Variants in CRACD observed in about 807,000 individuals in gnomAD.
CRACD encodes capping protein inhibiting regulator of actin dynamics.
CRACD carries 56 observed loss-of-function variants against 106.8 expected under a neutral mutation model. That is an observed-to-expected ratio of 0.52 (90% CI 0.42 to 0.66). The LOEUF (loss-of-function observed/expected upper bound fraction) is 0.66. Among genes scored for constraint, CRACD ranks in the 30% least tolerant of loss-of-function variants. The probability of loss-of-function intolerance (pLI) is 0.00; values close to 1 mark genes in which losing one functional copy is unlikely to be tolerated. For synonymous variants in CRACD, 754 were observed against 670.8 expected (o/e 1.12, Z -1.92); for missense variants, 1,730 against 1,623.2 (o/e 1.07, Z -1.13).
At chr4:56,205,830 T>C (rs1738099689) in intron 2 of CRACD, among the ~76,000 whole-genome samples, 1 of 152,194 alleles carries the variant, frequency 6.6e-6, no homozygotes, top group Admixed American at 6.5e-5. Flanking sequence ...TTTGTCATTT[T>C]TAATGTTAAA....
chr4:56,099,218 C>T (rs1164038312), intron 1 of CRACD, among the ~76,000 whole-genome samples: 1 of 152,146 alleles, frequency 6.6e-6, no homozygotes, highest in Non-Finnish European at 1.5e-5. Context: ...TGTTGGTACA[C>T]TGGACTTGTA....
chr4:56,118,570 A>G (rs1734378158), intron 1 of CRACD, among the ~76,000 whole-genome samples: 1 of 152,092 alleles, frequency 6.6e-6, no homozygotes, highest in South Asian at 2.1e-4. Context: ...GCAGAGTTTC[A>G]CTTTGGTTTT....
At chr4:56,146,716 A>G (rs1308425991) in intron 1 of CRACD, among the ~76,000 whole-genome samples, 1 of 152,170 alleles carries the variant, frequency 6.6e-6, no homozygotes, top group Non-Finnish European at 1.5e-5. Flanking sequence ...AGCATTATTG[A>G]GATAGAATTT....
chr4:56,199,213 A>C (rs925070248), intron 2 of CRACD, among the ~76,000 whole-genome samples: 5 of 152,234 alleles, frequency 3.3e-5, no homozygotes, highest in Non-Finnish European at 7.3e-5. Context: ...GTTGCCCACA[A>C]AAATACTATC....
rs180744508 is a variant in CRACD, at chr4:56,150,471, G to T, written c.-335-28813G>T. ...CAGTGATAAAATGAGCCCTCATGGA[G>T]CCACTACTCTAGTGGCAAGAAATGA... On this transcript the variant is annotated intron_variant, in intron 1 of 10. Transcript: ENST00000682029. Among the ~76,000 whole-genome samples the T allele has an allele frequency of 8.9e-3, 1,357 of 152,208 alleles. 24 individuals carry two copies. Among genetic ancestry groups the T allele is most frequent in the African/African-American group, 0.031 (1,305 of 41,544 alleles).
chr4:56,189,194 A>C (rs1457587114), intron 2 of CRACD, among the ~76,000 whole-genome samples: 4 of 151,942 alleles, frequency 2.6e-5, no homozygotes, highest in South Asian at 2.1e-4. Context: ...AAAAAAAAAA[A>C]AACCAAAAAC....
chr4:56,310,266 G>A (rs1296647572), intron 5 of CRACD, among the ~76,000 whole-genome samples: 1 of 152,250 alleles, frequency 6.6e-6, no homozygotes, highest in Non-Finnish European at 1.5e-5. Context: ...GATGGGGGAG[G>A]TGTGGCTGGA....
chr4:56,126,899 CTGTT>C lies in CRACD; in HGVS notation c.-335-52375_-335-52372del, dbSNP rs554839837. On this transcript the variant is annotated intron_variant, in intron 1 of 10. Transcript: ENST00000682029. Reference sequence around the variant, plus strand: ...GGCTGGTTGGGTTTGTTTTTTGTTACTGTTTGTTTGTTTTCTATTCTCATGAAAA... The same window carrying C: ...GGCTGGTTGGGTTTGTTTTTTGTTACTGTTTGTTTTCTATTCTCATGAAAA... 3.2e-3 allele frequency among the ~76,000 whole-genome samples: 486 copies of C among 152,186 alleles called. 1 individual carries two copies. The highest frequency in any genetic ancestry group is 4.9e-3 in the Non-Finnish European group (331 of 68,002).
At chr4:56,191,212 T>A (rs1204329284) in intron 2 of CRACD, among the ~76,000 whole-genome samples, 1 of 152,200 alleles carries the variant, frequency 6.6e-6, no homozygotes, top group Non-Finnish European at 1.5e-5. Flanking sequence ...GTTCTAGAGA[T>A]CAGAAGTCTC....
At chr4:56,159,282 G>A (rs965993120) in intron 1 of CRACD, among the ~76,000 whole-genome samples, 1 of 152,134 alleles carries the variant, frequency 6.6e-6, no homozygotes, top group Non-Finnish European at 1.5e-5. Context: ...TTATAGAGCG[G>A]GTCTCTGTAG....
At chr4:56,213,361 G>A (rs572788570) in intron 2 of CRACD, among the ~76,000 whole-genome samples, 47 of 152,236 alleles carry the variant, frequency 3.1e-4, no homozygotes, top group African/African-American at 4.6e-4. Flanking sequence ...CAGGAGAATC[G>A]CTTGAACCCG....
At chr4:56,162,596 G>C (rs1318303439) in intron 1 of CRACD, among the ~76,000 whole-genome samples, 1 of 152,168 alleles carries the variant, frequency 6.6e-6, no homozygotes, top group Non-Finnish European at 1.5e-5. Flanking sequence ...AAGTAGTTAA[G>C]AGCCAAGGCT....
At chr4:56,205,358 C>T (rs979129495) in intron 2 of CRACD, among the ~76,000 whole-genome samples, 3 of 152,026 alleles carry the variant, frequency 2.0e-5, no homozygotes, top group Non-Finnish European at 4.4e-5. Flanking sequence ...TACTATTTGA[C>T]CATCTGGCCT....
intron 1 of CRACD, among the ~76,000 whole-genome samples, chr4:56,077,201 T>C (rs1732868980): frequency 6.6e-6 from 1 of 152,170 alleles, no homozygotes; most frequent in Non-Finnish European, 1.5e-5. Context: ...AAACTTACAA[T>C]CATGGCTGGA....
At chr4:56,149,854 C>T (rs13105877) in intron 1 of CRACD, among the ~76,000 whole-genome samples, 64,551 of 152,010 alleles carry the variant, frequency 0.42, 14,372 homozygotes, top group African/African-American at 0.57. Flanking sequence ...TTCTTAACTT[C>T]GGTTTCAGCA....
intron 1 of CRACD, among the ~76,000 whole-genome samples, chr4:56,174,167 A>C (rs1234969894): frequency 6.6e-6 from 1 of 152,198 alleles, no homozygotes; most frequent in Non-Finnish European, 1.5e-5. Context: ...TTAAATTTTT[A>C]ATGGATACAT....
chr4:56,132,633 A>G (rs988767390), intron 1 of CRACD, among the ~76,000 whole-genome samples: 6 of 152,096 alleles, frequency 3.9e-5, no homozygotes, highest in Admixed American at 2.6e-4. Flanking sequence ...CTGATTGGCT[A>G]TATCACAAAC....
chr4:56,259,026 C>T (rs561965136), intron 2 of CRACD, among the ~76,000 whole-genome samples: 2 of 152,230 alleles, frequency 1.3e-5, no homozygotes, highest in Admixed American at 1.3e-4. Context: ...CACTCTTGTT[C>T]AATTAACAAG....
chr4:56,075,520 G>T (rs920682134), intron 1 of CRACD, among the ~76,000 whole-genome samples: 3 of 152,206 alleles, frequency 2.0e-5, no homozygotes, highest in African/African-American at 4.8e-5. Context: ...ATTTCTGTGG[G>T]ATCAGTGGTA....
Sources: allele counts gnomAD v4.1 joint callset (sites outside exome capture counted in the v4.1 genomes callset), GRCh38; gene constraint gnomAD v4.1.1; transcripts MANE v1.5; gene names NCBI Gene and HGNC (gene_info 2026-07-23, HGNC 2026-07-21).